UBE2K: variants seen among roughly 807,000 people sequenced by gnomAD.
The protein encoded by UBE2K is ubiquitin-conjugating enzyme E2 K.
Under a neutral mutation model 30.0 loss-of-function variants are expected in UBE2K, and 6 were observed. The ratio of observed to expected loss-of-function variants is 0.20; its 90% CI spans 0.11 to 0.39. UBE2K has a LOEUF of 0.39. Ranked by LOEUF, UBE2K falls within the 10% of genes least tolerant of loss-of-function variation. The probability of loss-of-function intolerance (pLI) is 1.00; values close to 1 mark genes in which losing one functional copy is unlikely to be tolerated. For missense variants in UBE2K, 61 were observed against 241.6 expected (o/e 0.25, Z 4.96); for synonymous variants, 86 against 83.7 (o/e 1.03, Z -0.15).
intron 1 of UBE2K, among the ~76,000 whole-genome samples, chr4:39,725,600 A>C (rs1234590210): frequency 6.6e-6 from 1 of 152,096 alleles, no homozygotes; most frequent in Non-Finnish European, 1.5e-5. Flanking sequence ...CCTCTGGTGA[A>C]ATCTTTTCTC....
chr4:39,767,875 A>G (rs1578499475), intron 4 of UBE2K, among the ~76,000 whole-genome samples: 1 of 152,150 alleles, frequency 6.6e-6, no homozygotes, highest in Non-Finnish European at 1.5e-5. Context: ...TAAAAATTAC[A>G]TAAGATTTTG....
rs570531671 is a variant in UBE2K at position 39,771,382 on chromosome 4, G to T, written c.300-3452G>T. The T allele has an allele frequency of 5.6e-6, 9 of 1,612,546 alleles. No individual in the cohort carries two copies. In the East Asian group the frequency reaches 2.0e-4, roughly 36 times the overall value. On this transcript the variant is annotated intron_variant, in intron 4 of 6. Transcript: ENST00000261427. ...CCGGAGCTTGTTCATGTTCCGTAGCGTAGCGGCCTAGTGGCCGGGCAGCTG... is the reference window on the plus strand; with the variant it reads ...CCGGAGCTTGTTCATGTTCCGTAGCTTAGCGGCCTAGTGGCCGGGCAGCTG...
intron 1 of UBE2K, among the ~76,000 whole-genome samples, chr4:39,705,232 C>G (rs1718279084): frequency 1.6e-5 from 2 of 122,176 alleles, no homozygotes; most frequent in Non-Finnish European, 3.3e-5. Flanking sequence ...GAGTCTTGCT[C>G]TGTTGTCCAG....
At chr4:39,757,317 C>T (rs574516795) in intron 4 of UBE2K, among the ~76,000 whole-genome samples, 14 of 152,236 alleles carry the variant, frequency 9.2e-5, no homozygotes, top group African/African-American at 3.4e-4. Flanking sequence ...TGAGCCACCA[C>T]ACCCGGCCTA....
intron 1 of UBE2K, among the ~76,000 whole-genome samples, chr4:39,705,626 C>T (rs768318176): frequency 6.6e-6 from 1 of 152,060 alleles, no homozygotes; most frequent in Non-Finnish European, 1.5e-5. Flanking sequence ...ATGGTGGGGG[C>T]AAAGAGTAAA....
At chr4:39,762,963 T>TG (rs1447613098) in intron 4 of UBE2K, among the ~76,000 whole-genome samples, 4 of 124,930 alleles carry the variant, frequency 3.2e-5, no homozygotes, top group South Asian at 2.7e-4. Context: ...TTTTTTTTTT[T>TG]GGAGACTGTC....
chr4:39,760,882 CTAAAAATACTCTAT>C (rs1347457378), intron 4 of UBE2K: 9 of 152,128 alleles, frequency 5.9e-5, no homozygotes, highest in Admixed American at 5.9e-4. Flanking sequence ...CTTTGTAATG[CTAAAAATACTCTAT>C]TTTTATCCAG....
chr4:39,765,165 G>A (rs866969198), intron 4 of UBE2K, among the ~76,000 whole-genome samples: 8 of 152,240 alleles, frequency 5.3e-5, no homozygotes, highest in South Asian at 2.1e-4. Context: ...GATTATAGGC[G>A]TGAGCCACTG....
intron 1 of UBE2K, among the ~76,000 whole-genome samples, chr4:39,702,627 A>G (rs537916599): frequency 2.8e-4 from 42 of 152,232 alleles, no homozygotes; most frequent in African/African-American, 1.0e-3. Flanking sequence ...ATTACTATAT[A>G]GTACATTAAG....
chr4:39,711,014 T>G (rs1315345287), intron 1 of UBE2K, among the ~76,000 whole-genome samples: 2 of 152,058 alleles, frequency 1.3e-5, no homozygotes, highest in Non-Finnish European at 2.9e-5. Flanking sequence ...GTGAAGTTAG[T>G]GTATATCCTT....
intron 4 of UBE2K, among the ~76,000 whole-genome samples, chr4:39,756,810 G>A (rs1441574469): frequency 6.6e-6 from 1 of 152,114 alleles, no homozygotes; most frequent in Non-Finnish European, 1.5e-5. Context: ...TTAAGTGAGT[G>A]TCTATTATGA....
chr4:39,734,384 G>A (rs1720241978), intron 1 of UBE2K, among the ~76,000 whole-genome samples: 1 of 151,968 alleles, frequency 6.6e-6, no homozygotes, highest in Admixed American at 6.6e-5. Context: ...TGACCAGAAT[G>A]CTTTTTCATA....
chr4:39,711,163 C>CTTTTTTTTTT (rs34401637), intron 1 of UBE2K, among the ~76,000 whole-genome samples: 1 of 122,140 alleles, frequency 8.2e-6, no homozygotes, highest in Non-Finnish European at 1.7e-5. Context: ...AACTTTTTCT[C>CTTTTTTTTTT]TTTTTTTTTT....
rs1483427484 is a variant in UBE2K, at chr4:39,778,704, A to C, written c.*270A>C. 3.3e-6 allele frequency: 1 copy of C among 302,836 alleles called. No homozygotes were observed. Among genetic ancestry groups the C allele is most frequent in the African/African-American group, 2.2e-5 (1 of 46,122 alleles). The allele number at this position is 302,836 out of a possible 1,614,324, so 18.8% of individuals were successfully genotyped here. ...GAGCTAAGCTAAAACCATGGAAGAA[A>C]CATGCTACTTTAGTGTTTAGCAGTG... On this transcript the variant is annotated 3_prime_UTR_variant, in exon 7 of 7. Coordinates refer to ENST00000261427, the MANE Select transcript of UBE2K (RefSeq NM_005339.5).
intron 1 of UBE2K, among the ~76,000 whole-genome samples, chr4:39,729,878 G>GT (rs1450343775): frequency 6.6e-6 from 1 of 152,180 alleles, no homozygotes; most frequent in African/African-American, 2.4e-5. Context: ...TTTTCCTAAA[G>GT]TTAAGTCTTT....
intron 4 of UBE2K, among the ~76,000 whole-genome samples, chr4:39,773,019 G>T (rs924685214): frequency 5.9e-5 from 9 of 151,632 alleles, no homozygotes; most frequent in African/African-American, 2.2e-4. Flanking sequence ...GAAATGCCAA[G>T]AATTATTGCT....
intron 4 of UBE2K, chr4:39,761,334 C>A (rs953588074): frequency 6.6e-6 from 1 of 152,190 alleles, no homozygotes; most frequent in Non-Finnish European, 1.5e-5. Flanking sequence ...AAGCTGCCAT[C>A]CTCTTTAAGT....
intron 4 of UBE2K, among the ~76,000 whole-genome samples, chr4:39,765,439 G>A (rs1045922602): frequency 4.6e-5 from 7 of 152,002 alleles, no homozygotes; most frequent in African/African-American, 1.4e-4. Context: ...TTGGAGGATC[G>A]CTTAAGCTCA....
At chr4:39,701,807 C>G (rs998215935) in intron 1 of UBE2K, among the ~76,000 whole-genome samples, 1 of 151,530 alleles carries the variant, frequency 6.6e-6, no homozygotes, top group African/African-American at 2.4e-5. Context: ...CTCGCCCAGA[C>G]TGGAGTGCAG....
Sources: gnomAD v4.1 joint callset for allele counts (sites outside exome capture counted in the v4.1 genomes callset) on GRCh38, gnomAD v4.1.1 for gene constraint, MANE v1.5 for transcripts, NCBI Gene and HGNC (gene_info 2026-07-23, HGNC 2026-07-21) for gene names.